The following CMIP variants were observed in gnomAD, a reference collection of about 807,000 sequenced individuals.
CMIP encodes c-Maf inducing protein, also known as C-Maf-inducing protein.
CMIP carries 13 observed loss-of-function variants against 97.3 expected under a neutral mutation model. The observed-to-expected ratio is 0.13, with a 90% CI of 0.09 to 0.21. CMIP has a LOEUF of 0.21. Among genes scored for constraint, CMIP ranks in the 10% least tolerant of loss-of-function variants. The pLI is 1.00. For missense variants in CMIP, 847 were observed against 1,024.9 expected, an observed-to-expected ratio of 0.83 and a Z score of 2.37; for synonymous variants, 538 against 436.3, an observed-to-expected ratio of 1.23 and a Z score of -2.91.
At chr16:81,671,341 C>T (rs1452201454) in intron 8 of CMIP, among the ~76,000 whole-genome samples, 3 of 152,170 alleles carry the variant, frequency 2.0e-5, no homozygotes, top group Non-Finnish European at 2.9e-5. Flanking sequence ...TCGATGACAG[C>T]TTCCCAGAAA....
At chr16:81,679,461 C>T (rs574234676) in intron 10 of CMIP, among the ~76,000 whole-genome samples, 9 of 151,974 alleles carry the variant, frequency 5.9e-5, no homozygotes, top group African/African-American at 1.2e-4. Flanking sequence ...CCATGCATGC[C>T]GTGTGTCTTT....
intron 1 of CMIP, among the ~76,000 whole-genome samples, chr16:81,562,202 C>T (rs1329068458): frequency 6.6e-6 from 1 of 152,194 alleles, no homozygotes; most frequent in Non-Finnish European, 1.5e-5. Context: ...GTGGTCTGTG[C>T]CAAGTACTGA....
chr16:81,688,314 G>A (rs529993024), intron 10 of CMIP, among the ~76,000 whole-genome samples: 5 of 152,304 alleles, frequency 3.3e-5, no homozygotes, highest in Admixed American at 1.3e-4. Context: ...GGTGCTTCCC[G>A]CAGCTGCTCT....
chr16:81,667,970 C>T (rs1440665677), intron 7 of CMIP, among the ~76,000 whole-genome samples: 1 of 152,012 alleles, frequency 6.6e-6, no homozygotes, highest in Admixed American at 6.5e-5. Context: ...TCACAAAGGA[C>T]CCCTTTGACT....
chr16:81,706,883 A>G, intron 19 of CMIP, 131 bp from the exon 20 acceptor site: 1 of 726,704 alleles, frequency 1.4e-6, no homozygotes, highest in South Asian at 1.7e-5. Flanking sequence ...TGTCTACGAA[A>G]CCTCCCTCCC....
intron 7 of CMIP, among the ~76,000 whole-genome samples, chr16:81,667,795 A>AGT (rs1201342935): frequency 0.011 from 713 of 67,902 alleles, 1 homozygote; most frequent in African/African-American, 0.019. Flanking sequence ...AGAGAGAGAG[A>AGT]GAGAGTGTGT....
intron 1 of CMIP, among the ~76,000 whole-genome samples, chr16:81,446,777 A>G (rs1330224270): frequency 6.6e-6 from 1 of 152,190 alleles, no homozygotes; most frequent in Non-Finnish European, 1.5e-5. Context: ...GTCACAGGCC[A>G]TGACACATGC....
At chr16:81,516,843 T>C (rs2966099) in intron 1 of CMIP, among the ~76,000 whole-genome samples, 30,964 of 152,166 alleles carry the variant, frequency 0.2, 4,675 homozygotes, top group African/African-American at 0.41. Context: ...TCAGGTAGCA[T>C]AGTGAAAAAC....
intron 10 of CMIP, among the ~76,000 whole-genome samples, chr16:81,689,426 T>C (rs1905802727): frequency 6.6e-6 from 1 of 152,254 alleles, no homozygotes; most frequent in South Asian, 2.1e-4. Flanking sequence ...GAGCATTTTT[T>C]CATGTGTCTG....
chr16:81,452,552 G>T (rs1420556451), intron 1 of CMIP, among the ~76,000 whole-genome samples: 3 of 152,140 alleles, frequency 2.0e-5, no homozygotes, highest in Non-Finnish European at 4.4e-5. Context: ...GGTGGGGCGA[G>T]TGGTGGGCTG....
intron 1 of CMIP, among the ~76,000 whole-genome samples, chr16:81,544,137 C>T (rs1041262176): frequency 3.3e-5 from 5 of 152,242 alleles, no homozygotes; most frequent in South Asian, 2.1e-4. Context: ...GGGGTCCCCC[C>T]GCCCCAATTA....
intron 1 of CMIP, chr16:81,603,303 G>T (rs1466180530): frequency 2.3e-6 from 1 of 437,496 alleles, no homozygotes; most frequent in African/African-American, 2.0e-5. Flanking sequence ...GGATGGTCTC[G>T]ATCAAGGTGA....
Position 81,538,334 on chromosome 16 carries a change from A to G in CMIP, c.301-69233A>G, listed in dbSNP as rs1405665391. Among the ~76,000 whole-genome samples the G allele has an allele frequency of 3.3e-5, 5 of 152,230 alleles. No individual in the cohort carries two copies. In the East Asian group the frequency reaches 9.6e-4, roughly 29 times the overall value. ...CGGTGGCTCCTGCCTGCAGTGGCCC[A>G]GTTGCATAAACACTGAGAGAAGGCT... On this transcript the variant is annotated intron_variant, in intron 1 of 20. Coordinates refer to ENST00000537098, the MANE Select transcript of CMIP (RefSeq NM_198390.3).
At chr16:81,646,996 A>G (rs893734128) in intron 3 of CMIP, among the ~76,000 whole-genome samples, 11 of 152,182 alleles carry the variant, frequency 7.2e-5, no homozygotes, top group African/African-American at 2.7e-4. Context: ...GGGTCATATG[A>G]TAAATTTATG....
At position 81,702,805 on chromosome 16, in the gene CMIP, C is replaced by T. The variant is rs937883055; in HGVS notation, c.1944+136C>T. 54 of 727,594 alleles carry T rather than the reference C, an allele frequency of 7.4e-5. No individual in the cohort carries two copies. The East Asian group carries it at 1.5e-3, about 20-fold the overall frequency. 45.1% of individuals were successfully genotyped at this position (727,594 alleles called of 1,614,324 possible). A position where few individuals can be genotyped will look rare whatever the true frequency, so the allele number is the denominator to read the frequency against. ...GGCACAAGGACCCCCTAGTACTTAA[C>T]ACGCCAGCTCTTCCAGGAGGTAGCT... On this transcript the variant is annotated intron_variant, in intron 17 of 20. Transcript: ENST00000537098.
rs1399350358 is a variant in CMIP, at chr16:81,701,696, A to G, written c.1792A>G (p.Asn598Asp). ...GATGCTGGAATACAACATCATCGAC[A>G]ACAACGACACCCAACTGCAGATCAT... ...CLMLEYNIID[N>D]NDTQLQIIST... The change falls in exon 16 of 21, where the codon AAC becomes GAC. Residue 598 changes from asparagine to aspartate, a missense_variant. Coordinates refer to ENST00000537098, the MANE Select transcript of CMIP (RefSeq NM_198390.3). The G allele has an allele frequency of 4.3e-6, 7 of 1,613,886 alleles. No individual in the cohort carries two copies. The highest frequency in any genetic ancestry group is 5.1e-6 in the Non-Finnish European group (6 of 1,179,880).
At chr16:81,524,942 C>A (rs557924022) in intron 1 of CMIP, among the ~76,000 whole-genome samples, 4 of 151,786 alleles carry the variant, frequency 2.6e-5, no homozygotes, top group Admixed American at 6.6e-5. Context: ...ACTACAGGCA[C>A]ATGACATCAT....
At chr16:81,587,909 C>G (rs74031208) in intron 1 of CMIP, among the ~76,000 whole-genome samples, 4,765 of 152,288 alleles carry the variant, frequency 0.031, 254 homozygotes, top group African/African-American at 0.11. Context: ...GTCAAGCTCC[C>G]TTGTCACATA....
At chr16:81,636,362 C>G (rs1364895743) in intron 3 of CMIP, among the ~76,000 whole-genome samples, 1 of 152,016 alleles carries the variant, frequency 6.6e-6, no homozygotes, top group Non-Finnish European at 1.5e-5. Flanking sequence ...GCAGGTGGCT[C>G]ACCTGAGGTC....
Sources: gnomAD v4.1 joint callset for allele counts (sites outside exome capture counted in the v4.1 genomes callset) on GRCh38, gnomAD v4.1.1 for gene constraint, MANE v1.5 for transcripts, NCBI Gene and HGNC (gene_info 2026-07-23, HGNC 2026-07-21) for gene names.